Variants in STARD10 observed in about 807,000 individuals in gnomAD.
The protein encoded by STARD10 is START domain-containing protein 10.
A neutral mutation model predicts 36.0 loss-of-function variants in STARD10; 24 were observed. The observed-to-expected ratio is 0.67, with a 90% CI of 0.48 to 0.94. STARD10 has a LOEUF of 0.94. Among genes scored for constraint, STARD10 ranks in the 40% least tolerant of loss-of-function variants. The pLI, the probability that STARD10 is intolerant of heterozygous loss-of-function variation, is 0.00. For missense variants in STARD10, 335 were observed against 396.6 expected, an observed-to-expected ratio of 0.84 and a Z score of 1.32; for synonymous variants, 156 against 161.9, an observed-to-expected ratio of 0.96 and a Z score of 0.28.
At chr11:72,789,936 T>C (rs1859120012) in intron 1 of STARD10, among the ~76,000 whole-genome samples, 1 of 152,168 alleles carries the variant, frequency 6.6e-6, no homozygotes, top group Non-Finnish European at 1.5e-5. Context: ...GGGCTTGGGC[T>C]CCGTGACTCA....
chr11:72,766,955 C>T (rs149943394), intron 2 of STARD10, among the ~76,000 whole-genome samples: 2 of 152,344 alleles, frequency 1.3e-5, no homozygotes, highest in African/African-American at 4.8e-5. Flanking sequence ...AGGAAATGAT[C>T]TCTTCACTCA....
intron 2 of STARD10, among the ~76,000 whole-genome samples, chr11:72,763,723 A>G (rs1858750811): frequency 6.6e-6 from 1 of 152,188 alleles, no homozygotes; most frequent in African/African-American, 2.4e-5. Context: ...GAGGAACGCG[A>G]TGGTGAGAAA....
At chr11:72,767,274 T>C (rs565689790) in intron 2 of STARD10, among the ~76,000 whole-genome samples, 6 of 152,250 alleles carry the variant, frequency 3.9e-5, no homozygotes, top group African/African-American at 1.4e-4. Context: ...ACCTGGACCA[T>C]GGACCCCACA....
At chr11:72,784,852 C>T (rs1299175404) in intron 1 of STARD10, among the ~76,000 whole-genome samples, 3 of 152,194 alleles carry the variant, frequency 2.0e-5, no homozygotes, top group African/African-American at 4.8e-5. Flanking sequence ...AACTGAGAAG[C>T]GGCGTGGGAA....
intron 2 of STARD10, among the ~76,000 whole-genome samples, chr11:72,770,689 A>C (rs1457606608): frequency 2.0e-5 from 3 of 152,280 alleles, no homozygotes; most frequent in Non-Finnish European, 4.4e-5. Flanking sequence ...AGACAATGAC[A>C]ACTCTTTAGG....
rs939108682 is a variant in STARD10, at chr11:72,793,936, C to T, written c.-1175G>A. On this transcript the variant is annotated 5_prime_UTR_variant, in exon 1 of 7. Coordinates refer to ENST00000334805, the MANE Select transcript of STARD10 (RefSeq NM_006645.3). ...ACAACGGCGGCGATCTGAGGAGAGG[C>T]AGGAGAAAATACGGCGCGCTCGGCA... 5.3e-5 allele frequency: 8 copies of T among 152,226 alleles called. No individual in the cohort carries two copies. Among genetic ancestry groups the T allele is most frequent in the Admixed American group, 6.5e-5 (1 of 15,282 alleles). The allele number at this position is 152,226 out of a possible 1,614,324, so 9.4% of individuals were successfully genotyped here.
chr11:72,755,201 C>T, intron 6 of STARD10, 59 bp from the exon 7 acceptor site: 7 of 1,527,740 alleles, frequency 4.6e-6, no homozygotes, highest in African/African-American at 1.4e-5. Context: ...CTTCTCCACA[C>T]CCCCCTCCAG....
intron 2 of STARD10, among the ~76,000 whole-genome samples, chr11:72,778,139 C>A (rs535952794): frequency 2.0e-5 from 3 of 152,334 alleles, no homozygotes; most frequent in East Asian, 1.9e-4. Context: ...GTCCTCCAGG[C>A]CTTCAAAGAG....
At chr11:72,768,807 A>G (rs1661495237) in intron 2 of STARD10, among the ~76,000 whole-genome samples, 1 of 152,156 alleles carries the variant, frequency 6.6e-6, no homozygotes, top group Non-Finnish European at 1.5e-5. Context: ...CCCCTTGCTC[A>G]TCTTGGCATC....
chr11:72,760,222 T>G (rs2135610409), intron 2 of STARD10, among the ~76,000 whole-genome samples: 1 of 150,784 alleles, frequency 6.6e-6, no homozygotes, highest in African/African-American at 2.4e-5. Flanking sequence ...CTTTTTTTCA[T>G]TCATTCATTC....
Position 72,768,692 on chromosome 11 carries a change from A to T in STARD10, c.208-9311T>A, listed in dbSNP as rs915665041. Among the ~76,000 whole-genome samples the T allele has an allele frequency of 4.0e-5, 6 of 151,554 alleles. No homozygotes were observed. In the South Asian group the frequency reaches 1.0e-3, roughly 26 times the overall value. On this transcript the variant is annotated intron_variant, in intron 2 of 6. Transcript: ENST00000334805. ...TCCAGGCAGCCTGCCCTATCCCTAAACTCTCCAGTATGGGCTGGAGGCCAC... is the reference window on the plus strand; with the variant it reads ...TCCAGGCAGCCTGCCCTATCCCTAATCTCTCCAGTATGGGCTGGAGGCCAC...
intron 2 of STARD10, among the ~76,000 whole-genome samples, chr11:72,768,369 T>G (rs922530584): frequency 1.6e-4 from 24 of 152,160 alleles, no homozygotes; most frequent in Non-Finnish European, 3.1e-4. Context: ...GCCAAGCTGA[T>G]GGAGCACCTG....
At chr11:72,780,905 G>A in intron 2 of STARD10, 70 bp downstream of exon 2, 4 of 1,496,620 alleles carry the variant, frequency 2.7e-6, no homozygotes, top group Non-Finnish European at 3.7e-6. Flanking sequence ...CCCGGAGAGA[G>A]GACCAGGAGA....
chr11:72,787,518 T>G (rs1859088326), intron 1 of STARD10, among the ~76,000 whole-genome samples: 1 of 152,156 alleles, frequency 6.6e-6, no homozygotes, highest in African/African-American at 2.4e-5. Context: ...ACCAGGTGGA[T>G]TCTCCTTCCG....
chr11:72,792,284 A>AC (rs1244137171), intron 1 of STARD10, among the ~76,000 whole-genome samples: 1 of 150,976 alleles, frequency 6.6e-6, no homozygotes, highest in Non-Finnish European at 1.5e-5. Context: ...TCAACCCCCA[A>AC]CCTCAGGTGA....
chr11:72,784,919 G>A (rs948525287), intron 1 of STARD10, among the ~76,000 whole-genome samples: 5 of 152,226 alleles, frequency 3.3e-5, no homozygotes, highest in Admixed American at 6.5e-5. Flanking sequence ...CGTGCCCCTC[G>A]CAGACAGAGC....
intron 2 of STARD10, among the ~76,000 whole-genome samples, chr11:72,775,218 G>A (rs779802714): frequency 2.6e-5 from 4 of 152,142 alleles, no homozygotes; most frequent in African/African-American, 4.8e-5. Context: ...ATCATATCCC[G>A]TCCATGATCA....
chr11:72,790,857 T>C (rs1262383793), intron 1 of STARD10, among the ~76,000 whole-genome samples: 1 of 152,204 alleles, frequency 6.6e-6, no homozygotes, highest in Non-Finnish European at 1.5e-5. Flanking sequence ...CCCTTGACTT[T>C]CAGAAATGCA....
rs1858664280 is a variant in STARD10, at chr11:72,757,860, C to A, written c.484G>T (p.Val162Phe). 6.2e-7 allele frequency: 1 copy of A among 1,614,018 alleles called. No homozygotes were observed. The highest frequency in any genetic ancestry group is 1.7e-5 in the Admixed American group (1 of 60,002). Reference sequence around the variant, plus strand: ...CCCGTCTGGATGGACACAGCTCGGACCAAGTCTTTCCGAGGTGGGTATTTC... The same window carrying A: ...CCCGTCTGGATGGACACAGCTCGGAACAAGTCTTTCCGAGGTGGGTATTTC... ...HPKYPPRKDLVRAVSIQTGYL... is the reference protein window; with the variant it reads ...HPKYPPRKDLFRAVSIQTGYL... The change falls in exon 5 of 7, where the codon GTC becomes TTC. Residue 162 changes from valine (V) to phenylalanine (F), a missense_variant. By Grantham distance (50) the Val-to-Phe change is conservative (BLOSUM62 -1). Transcript: ENST00000334805.
Sources: allele counts gnomAD v4.1 joint callset (sites outside exome capture counted in the v4.1 genomes callset), GRCh38; gene constraint gnomAD v4.1.1; transcripts MANE v1.5; gene names NCBI Gene and HGNC (gene_info 2026-07-23, HGNC 2026-07-21).